The following SLC13A4 variants were observed in gnomAD, a reference collection of about 807,000 sequenced individuals.
SLC13A4 encodes Na(+)/sulfate cotransporter SUT-1.
In SLC13A4, 28 loss-of-function variants were observed where a neutral mutation model predicts 72.7. The ratio of observed to expected loss-of-function variants is 0.39; its 90% CI spans 0.29 to 0.53. The LOEUF (loss-of-function observed/expected upper bound fraction) is 0.53. Among genes scored for constraint, SLC13A4 ranks in the 20% least tolerant of loss-of-function variants. SLC13A4 has a pLI of 0.78. For synonymous variants in SLC13A4, 312 were observed against 325.5 expected, an observed-to-expected ratio of 0.96 and a Z score of 0.45; for missense variants, 653 against 788.0, an observed-to-expected ratio of 0.83 and a Z score of 2.05.
At chr7:135,690,149 C>T (rs1187597820) in intron 13 of SLC13A4, among the ~76,000 whole-genome samples, 1 of 137,726 alleles carries the variant, frequency 7.3e-6, no homozygotes, top group African/African-American at 2.8e-5. Context: ...CCACTGCACT[C>T]CAGCCTAGGT....
At chr7:135,694,364 C>G (rs1563158790) in intron 9 of SLC13A4, 126 bp from the exon 10 acceptor site, 1 of 622,418 alleles carries the variant, frequency 1.6e-6, no homozygotes, top group East Asian at 2.8e-5. Flanking sequence ...CATGCTCTAT[C>G]CCTCTATCCC....
rs80173318 is a variant in SLC13A4, at chr7:135,690,752, C to T, written c.1446+449G>A. 6.6e-5 allele frequency among the ~76,000 whole-genome samples: 10 copies of T among 152,336 alleles called. No individual in the cohort carries two copies. In the East Asian group the frequency reaches 1.9e-3, roughly 29 times the overall value. ...CTTAGGGCAGCAGAGGACATCCATC[C>T]TGCTCTATTGTTTCCCTTCCCAGGG... On this transcript the variant is annotated intron_variant, in intron 13 of 15. Transcript: ENST00000682651.
chr7:135,686,111 CCA>C (rs1189693302), intron 13 of SLC13A4, among the ~76,000 whole-genome samples: 1 of 152,208 alleles, frequency 6.6e-6, no homozygotes, highest in Non-Finnish European at 1.5e-5. Context: ...GCTTTTGAAA[CCA>C]GTTTATTTTG....
intron 8 of SLC13A4, among the ~76,000 whole-genome samples, chr7:135,696,580 T>C (rs58580650): frequency 0.035 from 5,331 of 152,292 alleles, 319 homozygotes; most frequent in African/African-American, 0.12. Flanking sequence ...TTTGAACTCC[T>C]GACCTCAGAT....
At chr7:135,693,777 C>G (rs142882270) in intron 10 of SLC13A4, among the ~76,000 whole-genome samples, 1 of 152,210 alleles carries the variant, frequency 6.6e-6, no homozygotes, top group Non-Finnish European at 1.5e-5. Context: ...GATAACCGCA[C>G]CACTGTGGTG....
chr7:135,695,290 G>T, intron 9 of SLC13A4, 78 bp downstream of exon 9: 2 of 1,584,496 alleles, frequency 1.3e-6, no homozygotes, highest in East Asian at 4.5e-5. Context: ...CTTGCACAGA[G>T]CCATCCAGGG....
intron 10 of SLC13A4, 25 bp from the exon 11 acceptor site, chr7:135,692,449 A>G: frequency 6.6e-7 from 1 of 1,524,494 alleles, no homozygotes; most frequent in Non-Finnish European, 9.0e-7. Context: ...AGAAAGACCC[A>G]CTCAGGAACT....
rs114473748 is a variant in SLC13A4, at chr7:135,701,587, C to A, written c.714+93G>T. 1.1e-3 allele frequency: 1,474 copies of A among 1,283,812 alleles called. 20 individuals carry two copies. In the African/African-American group the frequency reaches 0.02, roughly 17 times the overall value. The allele number at this position is 1,283,812 out of a possible 1,614,324, so 79.5% of individuals were successfully genotyped here. The stretch of plus-strand genomic sequence containing the variant: ...GAGTGCCTGGTGACAGCTCACTAGC[C>A]TGATTCCCTTACGACTTCAAGACCA... On this transcript the variant is annotated intron_variant, in intron 7 of 15. Coordinates refer to ENST00000682651, the MANE Select transcript of SLC13A4 (RefSeq NM_001318192.2).
intron 15 of SLC13A4, chr7:135,683,600 C>T (rs1795555380): frequency 4.1e-6 from 4 of 985,228 alleles, no homozygotes; most frequent in South Asian, 4.7e-5. Flanking sequence ...CTTTTGTGAG[C>T]CCAGCTGAAA....
At chr7:135,690,148 TC>T (rs1238767589) in intron 13 of SLC13A4, among the ~76,000 whole-genome samples, 1 of 117,022 alleles carries the variant, frequency 8.5e-6, no homozygotes, top group Non-Finnish European at 1.6e-5. Flanking sequence ...GCCACTGCAC[TC>T]CAGCCTAGGT....
At position 135,685,681 on chromosome 7, in the gene SLC13A4, G is replaced by GC; in HGVS notation, c.1448dup (p.Ser483ArgfsTer36). 1 of 1,613,080 alleles carries GC rather than the reference G, an allele frequency of 6.2e-7. No individual in the cohort carries two copies. The highest frequency in any genetic ancestry group is 8.5e-7 in the Non-Finnish European group (1 of 1,179,086). On this transcript the variant is annotated frameshift_variant and splice_region_variant, in exon 14 of 16. Transcript: ENST00000682651. LOFTEE classifies it high-confidence loss of function. ...TCCCAATCCATGTAGAGAGGCCAGA[G>GC]CTCTGTAGGAAGAGGTGTTACAGTA...
chr7:135,698,755 C>T (rs1490289409), intron 8 of SLC13A4, among the ~76,000 whole-genome samples: 1 of 151,720 alleles, frequency 6.6e-6, no homozygotes, highest in African/African-American at 2.4e-5. Context: ...CTACCTCAGC[C>T]TCCTGAGTAG....
chr7:135,693,431 G>GTGTTAACATT (rs58811306), intron 10 of SLC13A4: 102,314 of 151,516 alleles, frequency 0.68, 34,938 homozygotes, highest in East Asian at 0.89. Flanking sequence ...ATGGAAAGAA[G>GTGTTAACATT]TGTTAACATG....
Position 135,681,530 on chromosome 7 carries a change from C to A in SLC13A4, c.*33G>T. 1 of 1,602,096 alleles carries A rather than the reference C, an allele frequency of 6.2e-7. No individual in the cohort carries two copies. The highest frequency in any genetic ancestry group is 1.1e-5 in the South Asian group (1 of 89,072). On this transcript the variant is annotated 3_prime_UTR_variant, in exon 16 of 16. Coordinates refer to ENST00000682651, the MANE Select transcript of SLC13A4 (RefSeq NM_001318192.2). ...TCCAGATACTGCTGGATACTGGCAGCTCCTGTGGTTGGGCCAGTTTGTACA... is the reference window on the plus strand; with the variant it reads ...TCCAGATACTGCTGGATACTGGCAGATCCTGTGGTTGGGCCAGTTTGTACA...
At position 135,687,972 on chromosome 7, in the gene SLC13A4, G is replaced by A. The variant is rs376777844; in HGVS notation, c.1447-2289C>T. On this transcript the variant is annotated intron_variant, in intron 13 of 15. Transcript: ENST00000682651. ...ATTACAGGCATGTGCCACCATCCCC[G>A]GCTAAATTTTTTTTTTTTTTTGAGA... Among the ~76,000 whole-genome samples, 701 of 151,342 alleles carry A rather than the reference G, an allele frequency of 4.6e-3. 6 individuals are homozygous for A. Among genetic ancestry groups the A allele is most frequent in the South Asian group, 0.027 (129 of 4,768 alleles).
intron 13 of SLC13A4, among the ~76,000 whole-genome samples, chr7:135,690,180 CAAAAAAAAAAAAAAA>C (rs57390577): frequency 2.0e-4 from 6 of 29,632 alleles, no homozygotes; most frequent in South Asian, 1.3e-3. Flanking sequence ...GACTCTGTCT[CAAAAAAAAAAAAAAA>C]AAAAAAAAAA....
chr7:135,693,457 A>G (rs1297018626), intron 10 of SLC13A4: 3 of 86,890 alleles, frequency 3.5e-5, no homozygotes, highest in Admixed American at 1.2e-4. Flanking sequence ...CTAAGAATCC[A>G]GTCAATTTTG....
intron 1 of SLC13A4, among the ~76,000 whole-genome samples, chr7:135,722,578 T>A (rs1157292248): frequency 7.0e-6 from 1 of 143,688 alleles, no homozygotes; most frequent in Non-Finnish European, 1.5e-5. Context: ...ATACGAACAT[T>A]ACATGTGAGA....
chr7:135,714,253 T>A (rs968063461), intron 2 of SLC13A4, among the ~76,000 whole-genome samples: 1 of 152,186 alleles, frequency 6.6e-6, no homozygotes, highest in African/African-American at 2.4e-5. Context: ...CCCAGATGGG[T>A]GCTGGCATGA....
Sources: allele counts gnomAD v4.1 joint callset (sites outside exome capture counted in the v4.1 genomes callset), GRCh38; gene constraint gnomAD v4.1.1; transcripts MANE v1.5; gene names NCBI Gene and HGNC (gene_info 2026-07-23, HGNC 2026-07-21).